Variants in LATS2 observed in about 807,000 individuals in gnomAD.
LATS2 encodes the protein serine/threonine-protein kinase LATS2.
Under a neutral mutation model 76.0 loss-of-function variants are expected in LATS2, and 24 were observed. The observed-to-expected ratio is 0.32, with a 90% CI of 0.23 to 0.44. LATS2 has a LOEUF of 0.44. LATS2 is among the 20% of genes least tolerant of loss of function. LATS2 has a pLI of 1.00. For missense variants in LATS2, 1,286 were observed against 1,481.2 expected, an observed-to-expected ratio of 0.87 and a Z score of 2.16; for synonymous variants, 692 against 635.4, an observed-to-expected ratio of 1.09 and a Z score of -1.34.
At chr13:21,016,849 A>C (rs7323518) in intron 2 of LATS2, among the ~76,000 whole-genome samples, 14,413 of 152,238 alleles carry the variant, frequency 0.095, 1,313 homozygotes, top group East Asian at 0.44. Flanking sequence ...AACTCTCTTT[A>C]TCACGGCAGA....
chr13:20,993,035 C>CAAAAAAAA (rs551359225), intron 2 of LATS2, among the ~76,000 whole-genome samples: 7 of 88,974 alleles, frequency 7.9e-5, no homozygotes, highest in African/African-American at 3.7e-4. Context: ...ACTCCATCTC[C>CAAAAAAAA]AAAAAAAAAA....
At chr13:21,026,001 A>G (rs540363313) in intron 2 of LATS2, among the ~76,000 whole-genome samples, 1 of 152,218 alleles carries the variant, frequency 6.6e-6, no homozygotes, top group African/African-American at 2.4e-5. Context: ...TCCACCCAAG[A>G]CCTAGCCTGA....
rs978972632 is a variant in LATS2 at position 21,045,241 on chromosome 13, A to C, written c.342+444T>G. 2.6e-5 allele frequency among the ~76,000 whole-genome samples: 4 copies of C among 152,328 alleles called. No homozygotes were observed. In the South Asian group the frequency reaches 8.3e-4, roughly 32 times the overall value. The stretch of plus-strand genomic sequence containing the variant: ...AAATAGGAGAAAACCGAGTCAGAGA[A>C]TAGCCAATGCATGTTGCTCAACCCT... On this transcript the variant is annotated intron_variant, in intron 2 of 7. Transcript: ENST00000382592.
At chr13:21,015,696 TTTTA>T (rs1019330692) in intron 2 of LATS2, among the ~76,000 whole-genome samples, 5 of 152,164 alleles carry the variant, frequency 3.3e-5, no homozygotes, top group African/African-American at 4.8e-5. Flanking sequence ...TCATCCCTCA[TTTTA>T]TTTATTTATT....
At chr13:20,999,088 C>A (rs967070424) in intron 2 of LATS2, among the ~76,000 whole-genome samples, 1 of 152,270 alleles carries the variant, frequency 6.6e-6, no homozygotes, top group Non-Finnish European at 1.5e-5. Flanking sequence ...TGACCTTGGG[C>A]AGGCGCAGCA....
rs929781176 is a variant in LATS2 at position 20,974,817 on chromosome 13, C to T, written c.*53G>A. 4 of 1,546,834 alleles carry T rather than the reference C, an allele frequency of 2.6e-6. No individual in the cohort carries two copies. Among genetic ancestry groups the T allele is most frequent in the Non-Finnish European group, 3.5e-6 (4 of 1,149,116 alleles). On this transcript the variant is annotated 3_prime_UTR_variant, in exon 8 of 8. Transcript: ENST00000382592. ...CCCTATTGGCCTGTGAGGGCACCGG[C>T]TCCGGGACCCTGACCTGGGAGGCAG...
intron 2 of LATS2, among the ~76,000 whole-genome samples, chr13:20,995,929 C>T (rs2138306295): frequency 6.6e-6 from 1 of 152,288 alleles, no homozygotes; most frequent in African/African-American, 2.4e-5. Flanking sequence ...GTGTCAGTCA[C>T]CTAGCCACGT....
At position 20,988,130 on chromosome 13, in the gene LATS2, C is replaced by A. The variant is rs1274023590; in HGVS notation, c.1650G>T (p.Glu550Asp). The change falls in exon 4 of 8, where the codon GAG (glutamate) becomes GAT (aspartate). Residue 550 changes from glutamate to aspartate, a missense_variant. By Grantham distance (45) the Glu-to-Asp change is conservative. Around this residue, in one of 5 missense-constraint regions of LATS2, gnomAD observed 710 missense variants for 660.9 expected, o/e 1.07. Coordinates refer to ENST00000382592, the MANE Select transcript of LATS2 (RefSeq NM_014572.3). ...TGCGGCTCTTGTCGCCGCCCTCGGG[C>A]TCGTTGGGGCCCGCACGGAGGCTCT... is the stretch of plus-strand genomic sequence containing the variant. The part of the protein sequence containing the change: ...MEQSLRAGPN[E>D]PEGGDKSRKS... 2 of 1,614,246 alleles carry A rather than the reference C, an allele frequency of 1.2e-6. No individual in the cohort carries two copies. Among genetic ancestry groups the A allele is most frequent in the Non-Finnish European group, 1.7e-6 (2 of 1,180,046 alleles).
At chr13:20,998,211 G>A (rs191760776) in intron 2 of LATS2, among the ~76,000 whole-genome samples, 328 of 152,168 alleles carry the variant, frequency 2.2e-3, no homozygotes, top group African/African-American at 7.3e-3. Context: ...AAAATTAGCT[G>A]GGCATGGTGG....
At chr13:21,060,214 C>A (rs1386349459) in intron 1 of LATS2, among the ~76,000 whole-genome samples, 1 of 152,168 alleles carries the variant, frequency 6.6e-6, no homozygotes, top group Non-Finnish European at 1.5e-5. Context: ...CGGGTTTGCT[C>A]CAGGCCGCAC....
chr13:21,005,634 A>G (rs1386893284), intron 2 of LATS2: 1 of 152,164 alleles, frequency 6.6e-6, no homozygotes, highest in Admixed American at 6.5e-5. Flanking sequence ...CTTGCTGGGA[A>G]CACTACCTTA....
chr13:20,989,357 T>G, intron 3 of LATS2, 53 bp from the exon 4 acceptor site: 1 of 1,590,784 alleles, frequency 6.3e-7, no homozygotes, highest in Non-Finnish European at 8.6e-7. Context: ...ATCAGTGGGT[T>G]CTGGCACTTC....
At chr13:21,030,843 A>C (rs2138379105) in intron 2 of LATS2, among the ~76,000 whole-genome samples, 1 of 152,208 alleles carries the variant, frequency 6.6e-6, no homozygotes, top group East Asian at 1.9e-4. Context: ...CTTCCTGTAT[A>C]TCCTTTAGCA....
At chr13:21,057,041 C>T (rs555923539) in intron 1 of LATS2, among the ~76,000 whole-genome samples, 1 of 152,292 alleles carries the variant, frequency 6.6e-6, no homozygotes, top group Admixed American at 6.5e-5. Context: ...ATGGAGTTAA[C>T]TAGTAATGAA....
Position 20,981,370 on chromosome 13 carries a change from AGC to A in LATS2, c.2665+94_2665+95del. 3.6e-6 allele frequency: 4 copies of A among 1,122,502 alleles called. No homozygotes were observed. The South Asian group carries it at 6.2e-5, about 17-fold the overall frequency. 69.5% of individuals were successfully genotyped at this position (1,122,502 alleles called of 1,614,324 possible). On this transcript the variant is annotated intron_variant, in intron 6 of 7. Coordinates refer to ENST00000382592, the MANE Select transcript of LATS2 (RefSeq NM_014572.3). ...CTATGAGGACAAAAATATGACTGGA[AGC>A]ATTAGGTCCTTGGAAAGCTAGAGCC...
In LATS2 at chr13:20,988,967, G is replaced by C; in HGVS notation, c.813C>G (p.Arg271=). 1 of 1,539,558 alleles carries C rather than the reference G, an allele frequency of 6.5e-7. No individual in the cohort carries two copies. The highest frequency in any genetic ancestry group is 1.4e-5 in the African/African-American group (1 of 73,306). ...GCGTCTTGCTCTGGAAGGAGGGGCT[G>C]CGCTGCACTCCGTAGCCCAGGGGTT... The part of the protein sequence containing the change: ...PGEPLGYGVQ[R]SPSFQSKTPP... Residue 271 remains arginine (R), a synonymous_variant, in exon 4 of 8, where the codon CGC becomes CGG. Coordinates refer to ENST00000382592, the MANE Select transcript of LATS2 (RefSeq NM_014572.3).
intron 2 of LATS2, among the ~76,000 whole-genome samples, chr13:21,006,725 T>A (rs987820893): frequency 2.0e-5 from 3 of 152,200 alleles, no homozygotes; most frequent in African/African-American, 7.2e-5. Context: ...CACATAGGCG[T>A]GCCTCACTGC....
intron 4 of LATS2, among the ~76,000 whole-genome samples, chr13:20,986,145 G>C (rs1870131846): frequency 6.6e-6 from 1 of 152,140 alleles, no homozygotes; most frequent in Non-Finnish European, 1.5e-5. Context: ...TTAACCATCA[G>C]GGAAATGCAA....
intron 6 of LATS2, among the ~76,000 whole-genome samples, chr13:20,981,058 C>T (rs1379673684): frequency 6.6e-6 from 1 of 152,202 alleles, no homozygotes; most frequent in African/African-American, 2.4e-5. Context: ...CATAAGCACC[C>T]AGCTGCACAC....
Sources: allele counts gnomAD v4.1 joint callset (sites outside exome capture counted in the v4.1 genomes callset), GRCh38; gene constraint gnomAD v4.1.1; regional missense constraint gnomAD v4.1.1; transcripts MANE v1.5; gene names NCBI Gene and HGNC (gene_info 2026-07-23, HGNC 2026-07-21).